The following FHDC1 variants were observed in gnomAD, a reference collection of about 807,000 sequenced individuals.
FHDC1 encodes FH2 domain-containing protein 1.
A neutral mutation model predicts 52.6 loss-of-function variants in FHDC1; 25 were observed. The ratio of observed to expected loss-of-function variants is 0.48; its 90% CI spans 0.35 to 0.66. The LOEUF is 0.66. FHDC1 is among the 30% of genes least tolerant of loss of function. The pLI is 0.01. For missense variants in FHDC1, 1,459 were observed against 1,452.8 expected (o/e 1.00, Z -0.07); for synonymous variants, 616 against 581.5 (o/e 1.06, Z -0.85).
rs1740982455 is a variant in FHDC1 at position 152,978,660 on chromosome 4, T to C, written c.*1937T>C. 2 of 152,216 alleles carry C rather than the reference T, an allele frequency of 1.3e-5. No individual in the cohort carries two copies. The highest frequency in any genetic ancestry group is 4.1e-4 in the South Asian group (2 of 4,822). The allele number at this position is 152,216 out of a possible 1,614,324, so 9.4% of individuals were successfully genotyped here. On this transcript the variant is annotated 3_prime_UTR_variant, in exon 12 of 12. Transcript: ENST00000511601. ...TTTTTTAAGAAACTTTTTTGTGTTT[T>C]TTTTAATTTTAGGTCACTTATTAGT...
chr4:152,976,127 C>T lies in FHDC1; in HGVS notation c.2836C>T (p.Arg946Trp), dbSNP rs1474168343. ...TGTGTGGTCACGCCAGAACTCCGTGCGGAGGGCCTCCACAGGCGCCGAAGA... is the reference window on the plus strand; with the variant it reads ...TGTGTGGTCACGCCAGAACTCCGTGTGGAGGGCCTCCACAGGCGCCGAAGA... ...DTVWSRQNSV[R>W]RASTGAEEQR... The change falls in exon 12 of 12, where the codon CGG becomes TGG. Residue 946 changes from arginine to tryptophan, a missense_variant. Physicochemically the swap from Arg to Trp is moderately radical, Grantham distance 101. Coordinates refer to ENST00000511601, the MANE Select transcript of FHDC1 (RefSeq NM_001371116.1). 6.2e-7 allele frequency: 1 copy of T among 1,610,980 alleles called. No individual in the cohort carries two copies. The highest frequency in any genetic ancestry group is 8.5e-7 in the Non-Finnish European group (1 of 1,179,006).
chr4:152,921,093 CT>C, the FHDC1 span, among the ~76,000 whole-genome samples: 1 of 151,926 alleles, frequency 6.6e-6, no homozygotes, highest in Non-Finnish European at 1.5e-5. Context: ...AATTATTTTC[CT>C]TTTAACCTTT....
the FHDC1 span, among the ~76,000 whole-genome samples, chr4:152,930,553 G>T: frequency 6.6e-6 from 1 of 152,192 alleles, no homozygotes; most frequent in Non-Finnish European, 1.5e-5. Context: ...CCCACAAAGA[G>T]ATGTAGATGT....
chr4:152,953,637 G>A (rs1739994019), intron 3 of FHDC1, 77 bp downstream of exon 3: 52 of 1,260,490 alleles, frequency 4.1e-5, no homozygotes, highest in Non-Finnish European at 5.9e-5. Context: ...TGACTGAGCT[G>A]GAATTCAAAT....
At chr4:152,963,165 A>T in intron 8 of FHDC1, 35 bp downstream of exon 8, 1 of 1,569,922 alleles carries the variant, frequency 6.4e-7, no homozygotes, top group Non-Finnish European at 8.8e-7. Flanking sequence ...GAGAACGCAT[A>T]TGAATACCCC....
chr4:152,976,716 G>T lies in FHDC1; in HGVS notation c.3425G>T (p.Arg1142Leu), dbSNP rs766293425. The change falls in exon 12 of 12, where the codon CGG becomes CTG. Residue 1142 changes from arginine to leucine, a missense_variant. Coordinates refer to ENST00000511601, the MANE Select transcript of FHDC1 (RefSeq NM_001371116.1). ...TTLGRILNPL[R>L]K ...CTGGGGAGAATCCTCAATCCCTTAC[G>T]GAAGTGATGGGTGCCTGTCCTCTCC... is the stretch of plus-strand genomic sequence containing the variant. 6.8e-7 allele frequency: 1 copy of T among 1,476,580 alleles called. No homozygotes were observed. Among genetic ancestry groups the T allele is most frequent in the Non-Finnish European group, 9.0e-7 (1 of 1,111,070 alleles). 91.5% of individuals were successfully genotyped at this position (1,476,580 alleles called of 1,614,324 possible).
the FHDC1 span, among the ~76,000 whole-genome samples, chr4:152,930,277 G>C: frequency 6.6e-6 from 1 of 152,182 alleles, no homozygotes; most frequent in Non-Finnish European, 1.5e-5. Context: ...ATAGTTTTGA[G>C]AAATCACCAC....
In FHDC1 at chr4:152,976,994, C is replaced by T. The variant is rs1740917511; in HGVS notation, c.*271C>T. Reference sequence around the variant, plus strand: ...ATGCACCCCACCCTCCCCCAAAGCCCGGATCCCGAGAAAGATTTAGTAGGA... The same window carrying T: ...ATGCACCCCACCCTCCCCCAAAGCCTGGATCCCGAGAAAGATTTAGTAGGA... On this transcript the variant is annotated 3_prime_UTR_variant, in exon 12 of 12. Transcript: ENST00000511601. 2 of 306,182 alleles carry T rather than the reference C, an allele frequency of 6.5e-6. No individual in the cohort carries two copies. Among genetic ancestry groups the T allele is most frequent in the Non-Finnish European group, 5.9e-6 (1 of 170,238 alleles). 19.0% of individuals were successfully genotyped at this position (306,182 alleles called of 1,614,324 possible). A position where few individuals can be genotyped will look rare whatever the true frequency, so the allele number is the denominator to read the frequency against.
At chr4:152,972,293 C>G in intron 10 of FHDC1, 84 bp from the exon 11 acceptor site, 1 of 1,385,108 alleles carries the variant, frequency 7.2e-7, no homozygotes, top group Non-Finnish European at 9.7e-7. Context: ...CAGAGCACGT[C>G]TTCTCTGGGC....
intron 4 of FHDC1, among the ~76,000 whole-genome samples, chr4:152,958,081 A>G (rs953335204): frequency 4.6e-5 from 7 of 152,188 alleles, no homozygotes; most frequent in Non-Finnish European, 1.5e-5. Flanking sequence ...AGGGAATGAC[A>G]GGAAGCCCAT....
At chr4:152,916,962 A>G in the FHDC1 span, 1 of 152,184 alleles carries the variant, frequency 6.6e-6, no homozygotes, top group Non-Finnish European at 1.5e-5. Context: ...TATATTTACT[A>G]CAGGTATGTG....
intron 1 of FHDC1, among the ~76,000 whole-genome samples, chr4:152,938,148 G>A (rs1185914001): frequency 6.6e-6 from 1 of 150,872 alleles, no homozygotes; most frequent in Non-Finnish European, 1.5e-5. Context: ...AGCAGCCGGC[G>A]CTCCCTTCCC....
intron 10 of FHDC1, among the ~76,000 whole-genome samples, chr4:152,969,154 T>C (rs1740559670): frequency 6.6e-6 from 1 of 151,534 alleles, no homozygotes; most frequent in South Asian, 2.1e-4. Flanking sequence ...ACCTGAAGTG[T>C]TGTTAGTGTT....
chr4:152,935,213 G>A (rs1304191930), upstream of FHDC1, among the ~76,000 whole-genome samples: 1 of 152,212 alleles, frequency 6.6e-6, no homozygotes, highest in Non-Finnish European at 1.5e-5. Context: ...CTTGACCAAG[G>A]AGGTCAGGAA....
At chr4:152,947,194 G>A (rs2149940288) in intron 2 of FHDC1, among the ~76,000 whole-genome samples, 1 of 150,558 alleles carries the variant, frequency 6.6e-6, no homozygotes. Context: ...ACTCTAGCTT[G>A]GGCAACAGAG....
At chr4:152,936,215 G>T (rs1739366637), upstream of FHDC1, 1 of 152,200 alleles carries the variant, frequency 6.6e-6, no homozygotes, top group African/African-American at 2.4e-5. Flanking sequence ...AGGGCGCGCT[G>T]CCCTTCCCGG....
the FHDC1 span, among the ~76,000 whole-genome samples, chr4:152,914,068 C>G: frequency 2.6e-5 from 4 of 152,202 alleles, no homozygotes; most frequent in African/African-American, 9.7e-5. Context: ...TTAGCTAAGA[C>G]TATCCAGTTG....
the FHDC1 span, among the ~76,000 whole-genome samples, chr4:152,931,017 T>TCC: frequency 5.9e-5 from 9 of 151,426 alleles, no homozygotes; most frequent in African/African-American, 2.2e-4. Flanking sequence ...TCTCTCTCTC[T>TCC]CTCTCTCTAA....
chr4:152,944,777 C>T (rs937901518), intron 2 of FHDC1, among the ~76,000 whole-genome samples: 2 of 152,210 alleles, frequency 1.3e-5, no homozygotes, highest in South Asian at 2.1e-4. Context: ...CCCTTAGTGC[C>T]GTCAGTGCTG....
Sources: allele counts gnomAD v4.1 joint callset (sites outside exome capture counted in the v4.1 genomes callset), GRCh38; gene constraint gnomAD v4.1.1; transcripts MANE v1.5; gene names NCBI Gene and HGNC (gene_info 2026-07-23, HGNC 2026-07-21).